Variants in GPR155 observed in about 807,000 individuals in gnomAD.
GPR155 encodes lysosomal cholesterol signaling protein.
A neutral mutation model predicts 93.1 loss-of-function variants in GPR155; 65 were observed. The observed-to-expected ratio is 0.70, with a 90% CI of 0.57 to 0.86. GPR155 has a LOEUF of 0.86. Among genes scored for constraint, GPR155 ranks in the 40% least tolerant of loss-of-function variants. GPR155 has a pLI of 0.00. For synonymous variants in GPR155, 319 were observed against 360.1 expected (o/e 0.89, Z 1.29); for missense variants, 838 against 1,034.8 (o/e 0.81, Z 2.61).
At chr2:174,446,323 AAAAAT>A (rs1559099929) in intron 12 of GPR155, among the ~76,000 whole-genome samples, 27,811 of 105,304 alleles carry the variant, frequency 0.26, 4,835 homozygotes, top group Middle Eastern at 0.45. Flanking sequence ...AAAAAAAATA[AAAAAT>A]AAAAAGAAAT....
intron 7 of GPR155, among the ~76,000 whole-genome samples, chr2:174,463,442 C>T (rs937555660): frequency 6.6e-6 from 1 of 152,208 alleles, no homozygotes; most frequent in Admixed American, 6.5e-5. Context: ...CTCAAGCGAT[C>T]CTCCTGCCTG....
At chr2:174,450,933 A>T (rs1055582439) in intron 11 of GPR155, among the ~76,000 whole-genome samples, 2 of 152,178 alleles carry the variant, frequency 1.3e-5, no homozygotes, top group African/African-American at 4.8e-5. Flanking sequence ...CTGTAGTATG[A>T]TCCTATTTGA....
intron 7 of GPR155, among the ~76,000 whole-genome samples, chr2:174,462,541 T>C (rs1245041892): frequency 6.6e-6 from 1 of 152,208 alleles, no homozygotes; most frequent in Non-Finnish European, 1.5e-5. Context: ...ACTGCTGGCC[T>C]CAAGTGATCC....
chr2:174,473,393 T>A (rs373699649), intron 2 of GPR155, 29 bp from the exon 3 acceptor site: 1 of 1,395,884 alleles, frequency 7.2e-7, no homozygotes, highest in South Asian at 1.3e-5. Context: ...GATTTTTAAA[T>A]GATGACCACA....
At chr2:174,460,154 A>ATTTTTTTTTTTTTTT (rs11385015) in intron 9 of GPR155, 66 bp from the exon 10 acceptor site, 1 of 337,036 alleles carries the variant, frequency 3.0e-6, no homozygotes, top group Non-Finnish European at 4.7e-6. Flanking sequence ...CTTAGGGCAC[A>ATTTTTTTTTTTTTTT]TTTTTTTTTT....
intron 10 of GPR155, among the ~76,000 whole-genome samples, chr2:174,455,015 A>G (rs1479786166): frequency 6.6e-6 from 1 of 152,156 alleles, no homozygotes; most frequent in Non-Finnish European, 1.5e-5. Flanking sequence ...TATGGTGGCT[A>G]TAGTCAACAA....
chr2:174,466,224 T>C (rs987609865), intron 6 of GPR155, among the ~76,000 whole-genome samples: 1 of 152,200 alleles, frequency 6.6e-6, no homozygotes, highest in African/African-American at 2.4e-5. Flanking sequence ...TAAAGTTCTT[T>C]CCATTATAAT....
In GPR155 at chr2:174,446,711, C is replaced by G. The variant is rs533296975; in HGVS notation, c.1913G>C (p.Cys638Ser). The G allele has an allele frequency of 1.9e-6, 3 of 1,613,638 alleles. No individual in the cohort carries two copies. The highest frequency in any genetic ancestry group is 2.5e-6 in the Non-Finnish European group (3 of 1,179,520). Residue 638 changes from cysteine (C) to serine (S), a missense_variant, in exon 12 of 16, where the codon TGC becomes TCC. Physicochemically the swap from Cys to Ser is moderately radical, Grantham distance 112. Coordinates refer to ENST00000392552, the MANE Select transcript of GPR155 (RefSeq NM_152529.7). The part of the protein sequence containing the change: ...HCVSRCNSQS[C>S]ILAQEEEQYL... ...CTGTTCTTCTTCCTGGGCTAATATGCAGCTCTGGGAGTTACAGCGACTCAC... is the reference window on the plus strand; with the variant it reads ...CTGTTCTTCTTCCTGGGCTAATATGGAGCTCTGGGAGTTACAGCGACTCAC...
chr2:174,438,343 C>T (rs1484425182), intron 15 of GPR155, among the ~76,000 whole-genome samples: 12 of 152,210 alleles, frequency 7.9e-5, no homozygotes, highest in Non-Finnish European at 4.4e-5. Context: ...GGCTGGCACG[C>T]TCCCAGCCAG....
intron 7 of GPR155, among the ~76,000 whole-genome samples, chr2:174,462,807 A>G (rs866370904): frequency 2.6e-5 from 4 of 152,190 alleles, no homozygotes; most frequent in African/African-American, 9.6e-5. Context: ...CTTTCCTTAC[A>G]ACTTATATGT....
At chr2:174,448,578 C>T (rs1294331130) in intron 11 of GPR155, among the ~76,000 whole-genome samples, 3 of 139,686 alleles carry the variant, frequency 2.1e-5, no homozygotes, top group East Asian at 2.1e-4. Context: ...TCGCCCAGGC[C>T]GGACTGCGGA....
rs75352514 is a variant in GPR155 at position 174,461,735 on chromosome 2, T to C, written c.1385-63A>G. The C allele has an allele frequency of 6.6e-4, 634 of 960,726 alleles. 7 individuals carry two copies. In the African/African-American group the frequency reaches 8.4e-3, roughly 13 times the overall value. The allele number at this position is 960,726 out of a possible 1,614,324, so 59.5% of individuals were successfully genotyped here. On this transcript the variant is annotated intron_variant, in intron 7 of 15. Transcript: ENST00000392552. ...ACATTGATCAGACTTTATGAAACTT[T>C]ATTTCCTTTTTATTTTTTTAAACCA...
At chr2:174,456,875 C>T (rs1687534932) in intron 10 of GPR155, among the ~76,000 whole-genome samples, 1 of 151,972 alleles carries the variant, frequency 6.6e-6, no homozygotes, top group African/African-American at 2.4e-5. Flanking sequence ...TGATGGAAAA[C>T]CACACATATT....
chr2:174,455,448 A>T lies in GPR155; in HGVS notation c.1772-1607T>A, dbSNP rs141471386. 6.2e-4 allele frequency among the ~76,000 whole-genome samples: 95 copies of T among 152,330 alleles called. 1 individual carries two copies. The highest frequency in any genetic ancestry group is 2.2e-3 in the African/African-American group (92 of 41,584). ...GCGCTTTGGGCATCACGGGCACTGC[A>T]AGGCCCTTGCAGCCTCTGAAGCAGG... On this transcript the variant is annotated intron_variant, in intron 10 of 15. Transcript: ENST00000392552.
intron 2 of GPR155, among the ~76,000 whole-genome samples, chr2:174,474,399 T>C (rs550360848): frequency 6.6e-5 from 10 of 152,258 alleles, no homozygotes; most frequent in South Asian, 4.1e-4. Context: ...GGAGTAGAGA[T>C]AGAAAGGTGG....
chr2:174,479,482 G>A (rs1688260241), intron 2 of GPR155, among the ~76,000 whole-genome samples: 1 of 152,148 alleles, frequency 6.6e-6, no homozygotes, highest in African/African-American at 2.4e-5. Flanking sequence ...TATGACCTGG[G>A]ATAAAATAAT....
chr2:174,442,696 T>G (rs1687002009), intron 13 of GPR155, among the ~76,000 whole-genome samples: 1 of 139,610 alleles, frequency 7.2e-6, no homozygotes, highest in Non-Finnish European at 1.7e-5. Context: ...AGCCACAGGT[T>G]AGGACAATTT....
intron 5 of GPR155, among the ~76,000 whole-genome samples, chr2:174,468,310 A>G (rs1484303076): frequency 6.6e-6 from 1 of 152,196 alleles, no homozygotes; most frequent in African/African-American, 2.4e-5. Context: ...CAGCCAGAAT[A>G]TCTGTAGTTT....
intron 2 of GPR155, 38 bp downstream of exon 2, chr2:174,481,459 G>C: frequency 1.6e-6 from 2 of 1,269,234 alleles, no homozygotes. Flanking sequence ...AATTAAAATT[G>C]AATTTTTTAA....
Sources: allele counts gnomAD v4.1 joint callset (sites outside exome capture counted in the v4.1 genomes callset), GRCh38; gene constraint gnomAD v4.1.1; transcripts MANE v1.5; gene names NCBI Gene and HGNC (gene_info 2026-07-23, HGNC 2026-07-21).